PTPRA: variants seen among roughly 807,000 people sequenced by gnomAD.
PTPRA encodes protein tyrosine phosphatase receptor type A, also known as receptor-type tyrosine-protein phosphatase alpha.
In PTPRA, 25 loss-of-function variants were observed where a neutral mutation model predicts 104.8. The ratio of observed to expected loss-of-function variants is 0.24; its 90% CI spans 0.17 to 0.33. The LOEUF is 0.33. Among genes scored for constraint, PTPRA ranks in the 10% least tolerant of loss-of-function variants. The pLI, the probability that PTPRA is intolerant of heterozygous loss-of-function variation, is 1.00. For missense variants in PTPRA, 765 were observed against 1,015.3 expected (o/e 0.75, Z 3.35); for synonymous variants, 323 against 368.9 (o/e 0.88, Z 1.43).
intron 3 of PTPRA, 134 bp from the exon 4 acceptor site, chr20:2,964,138 T>C (rs2061860015): frequency 2.8e-6 from 2 of 706,232 alleles, no homozygotes; most frequent in Non-Finnish European, 4.8e-6. Context: ...AGCATGCATA[T>C]CAGGCTCCCA....
At chr20:2,895,992 T>C (rs984538875) in intron 1 of PTPRA, among the ~76,000 whole-genome samples, 4 of 152,246 alleles carry the variant, frequency 2.6e-5, no homozygotes, top group African/African-American at 9.6e-5. Flanking sequence ...TTGATCTGTA[T>C]GTATTTATAA....
intron 11 of PTPRA, among the ~76,000 whole-genome samples, chr20:3,015,169 A>G (rs896286269): frequency 6.6e-5 from 10 of 152,158 alleles, no homozygotes; most frequent in Admixed American, 3.9e-4. Flanking sequence ...TGGAACCACC[A>G]CATATGCTTT....
At chr20:2,899,901 G>A (rs2059162032) in intron 1 of PTPRA, among the ~76,000 whole-genome samples, 1 of 152,106 alleles carries the variant, frequency 6.6e-6, no homozygotes, top group Non-Finnish European at 1.5e-5. Flanking sequence ...AAGGTCAGTT[G>A]CTCGAGACCA....
At chr20:2,908,827 A>G (rs1338008746) in intron 1 of PTPRA, among the ~76,000 whole-genome samples, 1 of 152,254 alleles carries the variant, frequency 6.6e-6, no homozygotes, top group Non-Finnish European at 1.5e-5. Flanking sequence ...ATAACTAATG[A>G]TAGTTATGTA....
rs140341877 is a variant in PTPRA, at chr20:3,004,127, C to T, written c.739-929C>T. Reference sequence around the variant, plus strand: ...CCACCTCCCAGGTTCAAGCGATTCTCCTGCCTCAGCCTCCTGAGTAGCTGG... The same window carrying T: ...CCACCTCCCAGGTTCAAGCGATTCTTCTGCCTCAGCCTCCTGAGTAGCTGG... On this transcript the variant is annotated intron_variant, in intron 9 of 23. Transcript: ENST00000399903. Among the ~76,000 whole-genome samples, 739 of 152,346 alleles carry T rather than the reference C, an allele frequency of 4.9e-3. 5 individuals are homozygous for T. Among genetic ancestry groups the T allele is most frequent in the African/African-American group, 0.016 (685 of 41,580 alleles).
At chr20:3,025,876 A>ACCC (rs2065117074) in intron 17 of PTPRA, among the ~76,000 whole-genome samples, 1 of 151,934 alleles carries the variant, frequency 6.6e-6, no homozygotes, top group African/African-American at 2.4e-5. Flanking sequence ...CTCAAAAAAA[A>ACCC]AAAAAAAAAA....
intron 9 of PTPRA, among the ~76,000 whole-genome samples, chr20:2,990,337 T>C (rs1256738776): frequency 6.6e-6 from 1 of 152,290 alleles, no homozygotes; most frequent in East Asian, 1.9e-4. Flanking sequence ...TTCTGGAGAC[T>C]TCTCTTGTCA....
chr20:2,899,674 T>C (rs2059153232), intron 1 of PTPRA, among the ~76,000 whole-genome samples: 1 of 152,220 alleles, frequency 6.6e-6, no homozygotes, highest in South Asian at 2.1e-4. Context: ...AATGATTATA[T>C]AGGTATGTAT....
At chr20:2,951,821 G>T (rs1040711647) in intron 3 of PTPRA, among the ~76,000 whole-genome samples, 6 of 152,102 alleles carry the variant, frequency 3.9e-5, no homozygotes, top group African/African-American at 1.4e-4. Context: ...TGATCTGTTG[G>T]CCTCATCATA....
chr20:2,897,384 C>CTTTTTTTTTTTTTTTTTTT (rs60627339), intron 1 of PTPRA, among the ~76,000 whole-genome samples: 1 of 108,932 alleles, frequency 9.2e-6, no homozygotes, highest in African/African-American at 3.8e-5. Context: ...CTTGGCATTT[C>CTTTTTTTTTTTTTTTTTTT]TTTTTTTTTT....
intron 1 of PTPRA, among the ~76,000 whole-genome samples, chr20:2,912,006 G>T (rs1170364590): frequency 6.6e-6 from 1 of 152,096 alleles, no homozygotes; most frequent in Admixed American, 6.6e-5. Context: ...ACTTTGGGAG[G>T]TCATGGTGGG....
At chr20:3,028,411 C>G (rs1279232011) in intron 20 of PTPRA, among the ~76,000 whole-genome samples, 1 of 152,188 alleles carries the variant, frequency 6.6e-6, no homozygotes, top group Non-Finnish European at 1.5e-5. Context: ...AAAAGCAGAG[C>G]TGTCCGGAAA....
chr20:2,945,959 T>G (rs1165440995), intron 2 of PTPRA, among the ~76,000 whole-genome samples: 2 of 151,842 alleles, frequency 1.3e-5, no homozygotes, highest in Admixed American at 1.3e-4. Flanking sequence ...TATATATATA[T>G]ATCTATATCT....
intron 2 of PTPRA, among the ~76,000 whole-genome samples, chr20:2,924,442 A>G (rs1183627420): frequency 6.6e-6 from 1 of 152,190 alleles, no homozygotes; most frequent in Non-Finnish European, 1.5e-5. Context: ...TATTGATAAC[A>G]TGGAATTTTA....
intron 9 of PTPRA, among the ~76,000 whole-genome samples, chr20:2,997,340 T>A (rs2063441658): frequency 6.6e-6 from 1 of 152,206 alleles, no homozygotes; most frequent in African/African-American, 2.4e-5. Context: ...ATTCTTTTTA[T>A]AATATTTTTA....
rs957653169 is a variant in PTPRA, at chr20:3,017,881, G to A, written c.1009G>A (p.Val337Ile). 1.9e-6 allele frequency: 3 copies of A among 1,614,162 alleles called. No individual in the cohort carries two copies. Among genetic ancestry groups the A allele is most frequent in the South Asian group, 1.1e-5 (1 of 91,082 alleles). ...CTGGGAACAAAACACAGCCACCATC[G>A]TCATGGTTACCAACCTGAAGGAGAG... ...MIWEQNTATI[V>I]MVTNLKERKE... is the part of the protein sequence containing the mutation. The change falls in exon 13 of 24, where the codon GTC becomes ATC. Residue 337 changes from valine to isoleucine, a missense_variant. Val to Ile is a conservative substitution (Grantham distance 29). This residue lies in a region of PTPRA where 245 missense variants were observed against 398.7 expected (regional missense o/e 0.61). Transcript: ENST00000399903.
chr20:2,898,773 G>T (rs2059117905), intron 1 of PTPRA, among the ~76,000 whole-genome samples: 1 of 151,872 alleles, frequency 6.6e-6, no homozygotes, highest in Non-Finnish European at 1.5e-5. Context: ...CAGGAGAATT[G>T]CTTGAACCCG....
In PTPRA at chr20:3,021,295, CTT is replaced by C; in HGVS notation, c.1042-10_1042-9del. Reference sequence around the variant, plus strand: ...AGGTCTAAGGTCAGGGAATGTATGTCTTTTTCTTTCCAGTGCAAGTGCGCCCA... The same window carrying C: ...AGGTCTAAGGTCAGGGAATGTATGTCTTTCTTTCCAGTGCAAGTGCGCCCA... On this transcript the variant is annotated splice_polypyrimidine_tract_variant and intron_variant, in intron 13 of 23. Transcript: ENST00000399903. 6.2e-7 allele frequency: 1 copy of C among 1,613,766 alleles called. No individual in the cohort carries two copies.
chr20:2,950,700 A>G lies in PTPRA; in HGVS notation c.-7+2676A>G, dbSNP rs1193647061. Among the ~76,000 whole-genome samples, 2 of 152,174 alleles carry G rather than the reference A, an allele frequency of 1.3e-5. No homozygotes were observed. Among genetic ancestry groups the G allele is most frequent in the Non-Finnish European group, 2.9e-5 (2 of 68,026 alleles). On this transcript the variant is annotated intron_variant, in intron 3 of 23. Coordinates refer to ENST00000399903, the MANE Select transcript of PTPRA (RefSeq NM_001385305.1). The surrounding 1 kb of genome is among the most constrained non-coding windows in gnomAD (Gnocchi z 4.0). ...TTTTACCTGTTTGTTAATTTATCAA[A>G]TAACTACTTTTGGCTTTGTTTCATT... is the stretch of plus-strand genomic sequence containing the variant.
Sources: allele counts gnomAD v4.1 joint callset (sites outside exome capture counted in the v4.1 genomes callset), GRCh38; gene constraint gnomAD v4.1.1; regional missense constraint gnomAD v4.1.1; non-coding constraint Gnocchi (gnomAD v3.1); transcripts MANE v1.5; gene names NCBI Gene and HGNC (gene_info 2026-07-23, HGNC 2026-07-21).